SLC6A15: variants seen among roughly 807,000 people sequenced by gnomAD.
SLC6A15 encodes sodium-dependent neutral amino acid transporter B(0)AT2.
Under a neutral mutation model 68.5 loss-of-function variants are expected in SLC6A15, and 33 were observed. The observed-to-expected ratio is 0.48, with a 90% CI of 0.37 to 0.64. The LOEUF is 0.64. Ranked by LOEUF, SLC6A15 falls within the 30% of genes least tolerant of loss-of-function variation. The probability of loss-of-function intolerance (pLI) is 0.00; values close to 1 mark genes in which losing one functional copy is unlikely to be tolerated. For missense variants in SLC6A15, 747 were observed against 874.3 expected (o/e 0.85, Z 1.84); for synonymous variants, 347 against 301.0 (o/e 1.15, Z -1.58).
At chr12:84,888,082 A>C (rs2120657300) in intron 2 of SLC6A15, among the ~76,000 whole-genome samples, 1 of 148,960 alleles carries the variant, frequency 6.7e-6, no homozygotes, top group African/African-American at 2.5e-5. Context: ...AAATAAAATA[A>C]AATACAAAAA....
chr12:84,881,807 T>A (rs1391979172), intron 5 of SLC6A15: 2 of 970,570 alleles, frequency 2.1e-6, no homozygotes, highest in Non-Finnish European at 2.4e-6. Context: ...TAATTCCTCA[T>A]AAAGTCATTG....
rs968201892 is a variant in SLC6A15, at chr12:84,912,710, C to G, written c.-376G>C. The G allele has an allele frequency of 6.5e-6, 1 of 152,694 alleles. No homozygotes were observed. The highest frequency in any genetic ancestry group is 1.5e-5 in the Non-Finnish European group (1 of 68,550). 9.5% of individuals were successfully genotyped at this position (152,694 alleles called of 1,614,324 possible). A position where few individuals can be genotyped will look rare whatever the true frequency, so the allele number is the denominator to read the frequency against. ...TGGGGGTCGCCGCCCTGCAGGCTGGCAAGGAGAGACTCGTGAGCGCCTGTG... is the reference window on the plus strand; with the variant it reads ...TGGGGGTCGCCGCCCTGCAGGCTGGGAAGGAGAGACTCGTGAGCGCCTGTG... On this transcript the variant is annotated 5_prime_UTR_variant, in exon 1 of 12. Transcript: ENST00000266682.
rs1462884983 is a variant in SLC6A15, at chr12:84,886,010, G to C, written c.348C>G (p.Phe116Leu). Reference sequence around the variant, plus strand: ...TTCTTTGACCCACAGAGAGTTCCAAGAAAAAAAGGGGAATACCTATTACCA... The same window carrying C: ...TTCTTTGACCCACAGAGAGTTCCAACAAAAAAAGGGGAATACCTATTACCA... ...LLMVIGIPLF[F>L]LELSVGQRIR... Residue 116 changes from phenylalanine (F) to leucine (L), a missense_variant, in exon 3 of 12, where the codon TTC becomes TTG. By Grantham distance (22) the Phe-to-Leu change is conservative. Transcript: ENST00000266682. The C allele has an allele frequency of 1.2e-6, 2 of 1,606,496 alleles. No individual in the cohort carries two copies. Among genetic ancestry groups the C allele is most frequent in the Non-Finnish European group, 1.7e-6 (2 of 1,176,124 alleles).
chr12:84,885,547 T>C lies in SLC6A15; in HGVS notation c.462A>G (p.Val154=). ...GFASCVVCYF[V]ALYYNVIIGW... ...CAATGATGACGTTGTAGTAGAGAGC[T>C]ACAAAATAGCACACCTGCAAAATAA... The change falls in exon 4 of 12, where the codon GTA becomes GTG. Residue 154 remains valine, a synonymous_variant. Coordinates refer to ENST00000266682, the MANE Select transcript of SLC6A15 (RefSeq NM_182767.6). 1 of 1,612,880 alleles carries C rather than the reference T, an allele frequency of 6.2e-7. No individual in the cohort carries two copies. The highest frequency in any genetic ancestry group is 8.5e-7 in the Non-Finnish European group (1 of 1,179,490).
In SLC6A15 at chr12:84,886,024, T is replaced by C; in HGVS notation, c.334A>G (p.Ile112Val). Residue 112 changes from isoleucine to valine, a missense_variant, in exon 3 of 12, where the codon ATT (isoleucine) becomes GTT (valine). Physicochemically the swap from Ile to Val is conservative, Grantham distance 29 (BLOSUM62 3). Coordinates refer to ENST00000266682, the MANE Select transcript of SLC6A15 (RefSeq NM_182767.6). ...GAGAGTTCCAAGAAAAAAAGGGGAA[T>C]ACCTATTACCATAAGTAGTATTAAA... Reference protein sequence around the residue: ...PYLILLMVIGIPLFFLELSVG... With the variant: ...PYLILLMVIGVPLFFLELSVG... The C allele has an allele frequency of 3.1e-6, 5 of 1,609,882 alleles. No homozygotes were observed. Among genetic ancestry groups the C allele is most frequent in the African/African-American group, 1.3e-5 (1 of 74,860 alleles).
chr12:84,876,583 G>T lies in SLC6A15; in HGVS notation c.781C>A (p.Pro261Thr). The T allele has an allele frequency of 6.4e-7, 1 of 1,573,660 alleles. No homozygotes were observed. The highest frequency in any genetic ancestry group is 8.6e-7 in the Non-Finnish European group (1 of 1,157,078). ...GKIIYFSSLFPYVVLICFLIR... is the reference protein window; with the variant it reads ...GKIIYFSSLFTYVVLICFLIR... Reference sequence around the variant, plus strand: ...AGGAAGCAAATAAGTACCACATATGGAAACAGAGAACTAAAATATATGATC... The same window carrying T: ...AGGAAGCAAATAAGTACCACATATGTAAACAGAGAACTAAAATATATGATC... Residue 261 changes from proline to threonine, a missense_variant, in exon 6 of 12, where the codon CCA (proline) becomes ACA (threonine). Physicochemically the swap from Pro to Thr is conservative, Grantham distance 38. Transcript: ENST00000266682.
At position 84,892,170 on chromosome 12, in the gene SLC6A15, C is replaced by A; in HGVS notation, c.-50G>T. The A allele has an allele frequency of 4.9e-6, 7 of 1,426,682 alleles. No homozygotes were observed. Among genetic ancestry groups the A allele is most frequent in the Non-Finnish European group, 5.7e-6 (6 of 1,052,950 alleles). 88.4% of individuals were successfully genotyped at this position (1,426,682 alleles called of 1,614,324 possible). A position where few individuals can be genotyped will look rare whatever the true frequency, so the allele number is the denominator to read the frequency against. ...AAAAAAAAAAAAAACTCCCTTATGG[C>A]AAATGTGTTAACTCTATTTTTCAAA... On this transcript the variant is annotated 5_prime_UTR_variant, in exon 2 of 12. Transcript: ENST00000266682.
At chr12:84,905,721 G>C (rs1344204554) in intron 1 of SLC6A15, among the ~76,000 whole-genome samples, 1 of 152,124 alleles carries the variant, frequency 6.6e-6, no homozygotes, top group African/African-American at 2.4e-5. Flanking sequence ...TTGAATCTGT[G>C]GATGCACAAC....
At position 84,873,406 on chromosome 12, in the gene SLC6A15, T is replaced by G. The variant is rs141543715; in HGVS notation, c.868-78A>C. The G allele has an allele frequency of 8.7e-3, 13,047 of 1,506,552 alleles. 92 individuals carry two copies. Among genetic ancestry groups the G allele is most frequent in the Non-Finnish European group, 0.01 (11,496 of 1,109,188 alleles). 93.3% of individuals were successfully genotyped at this position (1,506,552 alleles called of 1,614,324 possible). A position where few individuals can be genotyped will look rare whatever the true frequency, so the allele number is the denominator to read the frequency against. ...ATTAATTTTTATGGAATTTACTGTTTATGGAGTATACAATGATATTTATGC... is the reference window on the plus strand; with the variant it reads ...ATTAATTTTTATGGAATTTACTGTTGATGGAGTATACAATGATATTTATGC... On this transcript the variant is annotated intron_variant, in intron 6 of 11. Transcript: ENST00000266682.
At chr12:84,903,919 T>C (rs1873006335) in intron 1 of SLC6A15, among the ~76,000 whole-genome samples, 1 of 152,188 alleles carries the variant, frequency 6.6e-6, no homozygotes, top group African/African-American at 2.4e-5. Context: ...CTAAAAATAT[T>C]AATTTAAAGG....
At chr12:84,863,312 T>C in intron 11 of SLC6A15, 127 bp downstream of exon 11, 1 of 642,124 alleles carries the variant, frequency 1.6e-6, no homozygotes, top group Non-Finnish European at 2.6e-6. Context: ...AAATCTCATA[T>C]CCTTGCATAA....
At chr12:84,909,320 C>G (rs1041925087) in intron 1 of SLC6A15, among the ~76,000 whole-genome samples, 13 of 152,148 alleles carry the variant, frequency 8.5e-5, no homozygotes, top group African/African-American at 3.1e-4. Context: ...AATAAAGTGA[C>G]CTTCAAGGCT....
intron 2 of SLC6A15, among the ~76,000 whole-genome samples, chr12:84,890,951 C>T (rs554610819): frequency 3.9e-5 from 6 of 152,186 alleles, no homozygotes; most frequent in African/African-American, 1.4e-4. Flanking sequence ...TGTACGTGTA[C>T]ATAAATAATA....
chr12:84,872,961 C>T, intron 7 of SLC6A15, 126 bp downstream of exon 7: 1 of 1,287,180 alleles, frequency 7.8e-7, no homozygotes, highest in Non-Finnish European at 1.1e-6. Context: ...GACCATTATA[C>T]ATTGTATGTT....
At position 84,861,622 on chromosome 12, in the gene SLC6A15, T is replaced by C. The variant is rs1184281803; in HGVS notation, c.*10A>G. 1.3e-6 allele frequency: 2 copies of C among 1,580,750 alleles called. No individual in the cohort carries two copies. Among genetic ancestry groups the C allele is most frequent in the Admixed American group, 3.5e-5 (2 of 56,942 alleles). ...ATGAACCAAATAAAACCCACTGACT[T>C]TTCCCCCAGCTACAAATCAGATTCT... On this transcript the variant is annotated 3_prime_UTR_variant, in exon 12 of 12. Coordinates refer to ENST00000266682, the MANE Select transcript of SLC6A15 (RefSeq NM_182767.6).
At position 84,861,346 on chromosome 12, in the gene SLC6A15, G is replaced by C. The variant is rs903258822; in HGVS notation, c.*286C>G. ...AACTGAGGTAATACCATTTTTTTAA[G>C]AGATAGAAATATTTGAAAATACACC... On this transcript the variant is annotated 3_prime_UTR_variant, in exon 12 of 12. Transcript: ENST00000266682. 3.8e-6 allele frequency: 1 copy of C among 263,598 alleles called. No homozygotes were observed. Among genetic ancestry groups the C allele is most frequent in the Non-Finnish European group, 7.2e-6 (1 of 139,806 alleles). The allele number at this position is 263,598 out of a possible 1,614,324, so 16.3% of individuals were successfully genotyped here.
intron 10 of SLC6A15, among the ~76,000 whole-genome samples, chr12:84,865,815 G>T (rs920679752): frequency 1.3e-5 from 2 of 152,084 alleles, no homozygotes; most frequent in African/African-American, 4.8e-5. Flanking sequence ...CTGGATGTAT[G>T]ACAATTTATC....
chr12:84,903,573 C>T (rs1872990548), intron 1 of SLC6A15, among the ~76,000 whole-genome samples: 1 of 152,038 alleles, frequency 6.6e-6, no homozygotes, highest in Admixed American at 6.6e-5. Flanking sequence ...TCTCGGGAGG[C>T]TCTAGGGGAG....
chr12:84,889,971 A>T (rs1872314756), intron 2 of SLC6A15, among the ~76,000 whole-genome samples: 1 of 152,182 alleles, frequency 6.6e-6, no homozygotes, highest in Non-Finnish European at 1.5e-5. Flanking sequence ...TATTACTCAA[A>T]AAGTGCTTAA....
Sources: allele counts gnomAD v4.1 joint callset (sites outside exome capture counted in the v4.1 genomes callset), GRCh38; gene constraint gnomAD v4.1.1; transcripts MANE v1.5; gene names NCBI Gene and HGNC (gene_info 2026-07-23, HGNC 2026-07-21).